ASRGL1: variants seen among roughly 807,000 people sequenced by gnomAD.
ASRGL1 encodes isoaspartyl peptidase/L-asparaginase.
In ASRGL1, 16 loss-of-function variants were observed where a neutral mutation model predicts 22.4. The ratio of observed to expected loss-of-function variants is 0.71; its 90% confidence interval spans 0.48 to 1.08. The LOEUF is 1.08. ASRGL1 is among the 50% of genes least tolerant of loss of function. The probability of loss-of-function intolerance (pLI) is 0.00; values close to 1 mark genes in which losing one functional copy is unlikely to be tolerated. For missense variants in ASRGL1, 412 were observed against 410.1 expected (o/e 1.00, Z -0.04); for synonymous variants, 165 against 159.3 (o/e 1.04, Z -0.27).
At chr11:62,374,256 C>G (rs1274022100) in intron 4 of ASRGL1, among the ~76,000 whole-genome samples, 1 of 152,172 alleles carries the variant, frequency 6.6e-6, no homozygotes, top group Non-Finnish European at 1.5e-5. Flanking sequence ...GCACGGATGC[C>G]GTGACTGCCA....
At chr11:62,383,727 G>A (rs975491726) in intron 4 of ASRGL1, among the ~76,000 whole-genome samples, 1 of 150,578 alleles carries the variant, frequency 6.6e-6, no homozygotes, top group Non-Finnish European at 1.5e-5. Context: ...TTCATGACCA[G>A]CCTGGGCAAC....
downstream of ASRGL1, among the ~76,000 whole-genome samples, chr11:62,395,004 GCA>G (rs537791454): frequency 6.6e-6 from 1 of 152,306 alleles, no homozygotes; most frequent in South Asian, 2.1e-4. Flanking sequence ...CAAGAGGGCA[GCA>G]AACTATAAAC....
rs961267183 is a variant in ASRGL1 at position 62,337,787 on chromosome 11, C to G, written c.-88-103C>G. The G allele has an allele frequency of 9.4e-6, 5 of 531,758 alleles. No homozygotes were observed. In the Admixed American group the frequency reaches 1.9e-4, roughly 21 times the overall value. 32.9% of individuals were successfully genotyped at this position (531,758 alleles called of 1,614,324 possible). A position where few individuals can be genotyped will look rare whatever the true frequency, so the allele number is the denominator to read the frequency against. On this transcript the variant is annotated intron_variant, in intron 1 of 6. Transcript: ENST00000415229. Reference sequence around the variant, plus strand: ...GGCGGAGAGGAACGCGGGAGGGCGCCGGGCCCCTGGGCTTTTCGTACCAAG... The same window carrying G: ...GGCGGAGAGGAACGCGGGAGGGCGCGGGGCCCCTGGGCTTTTCGTACCAAG...
At chr11:62,372,209 A>G (rs1387007583) in intron 4 of ASRGL1, 4 of 1,200,662 alleles carry the variant, frequency 3.3e-6, no homozygotes, top group Admixed American at 3.4e-5. Context: ...CGAGGGTCTC[A>G]GCCACGAAGT....
chr11:62,343,730 CAAA>C (rs71053038), intron 2 of ASRGL1, among the ~76,000 whole-genome samples: 13 of 68,970 alleles, frequency 1.9e-4, no homozygotes, highest in African/African-American at 7.0e-4. Context: ...TCCAGCTCCA[CAAA>C]AAAAAAAAAA....
chr11:62,368,315 G>T (rs923858951), intron 4 of ASRGL1, among the ~76,000 whole-genome samples: 1 of 152,120 alleles, frequency 6.6e-6, no homozygotes, highest in Non-Finnish European at 1.5e-5. Flanking sequence ...GTCTTGGAGC[G>T]TATCCCCTTC....
chr11:62,342,927 C>A (rs962676706), intron 2 of ASRGL1, among the ~76,000 whole-genome samples: 1 of 152,078 alleles, frequency 6.6e-6, no homozygotes, highest in Non-Finnish European at 1.5e-5. Context: ...TTGGTTTAAC[C>A]ATGTAATAGC....
chr11:62,356,202 G>T (rs1946289730), intron 2 of ASRGL1, 123 bp from the exon 3 acceptor site: 3 of 1,188,110 alleles, frequency 2.5e-6, no homozygotes, highest in Non-Finnish European at 2.4e-6. Flanking sequence ...GGGCAGCCGG[G>T]CAGAGGCGCC....
At chr11:62,362,886 A>AT (rs1946513556) in intron 4 of ASRGL1, among the ~76,000 whole-genome samples, 1 of 72,760 alleles carries the variant, frequency 1.4e-5, no homozygotes, top group Non-Finnish European at 2.4e-5. Flanking sequence ...CCTTTAAAGG[A>AT]TTTAATTTTT....
intron 4 of ASRGL1, 63 bp from the exon 5 acceptor site, chr11:62,389,070 T>C (rs1947277678): frequency 7.1e-6 from 10 of 1,400,062 alleles, no homozygotes; most frequent in Non-Finnish European, 1.0e-5. Flanking sequence ...TAAGGTACAT[T>C]GTTGGTTATG....
At chr11:62,386,439 T>TTATCATAGATATGTACATAGCATACA (rs1947203837) in intron 4 of ASRGL1, among the ~76,000 whole-genome samples, 1 of 75,794 alleles carries the variant, frequency 1.3e-5, no homozygotes, top group Non-Finnish European at 3.9e-5. Context: ...CAATTAAACT[T>TTATCATAGATATGTACATAGCATACA]TATCATAGAT....
At chr11:62,397,539 CT>C (rs1440310589), downstream of ASRGL1, among the ~76,000 whole-genome samples, 1 of 151,800 alleles carries the variant, frequency 6.6e-6, no homozygotes, top group Non-Finnish European at 1.5e-5. Flanking sequence ...TGATGCATGC[CT>C]GTAATCGCAG....
Position 62,392,568 on chromosome 11 carries a change from CAAA to C in ASRGL1, c.*299_*301del, listed in dbSNP as rs5792257. The C allele has an allele frequency of 7.0e-4, 201 of 288,168 alleles. No homozygotes were observed. The highest frequency in any genetic ancestry group is 1.7e-3 in the East Asian group (22 of 13,308). The allele number at this position is 288,168 out of a possible 1,614,324, so 17.9% of individuals were successfully genotyped here. On this transcript the variant is annotated 3_prime_UTR_variant, in exon 7 of 7. Coordinates refer to ENST00000415229, the MANE Select transcript of ASRGL1 (RefSeq NM_001083926.2). ...TGGGCAACAGAGCCAGGCCCTGTAT[CAAA>C]AAAAAAAAAAAAAAGAAAAGGGAAA...
intron 4 of ASRGL1, among the ~76,000 whole-genome samples, chr11:62,384,389 C>T (rs1203032520): frequency 6.6e-6 from 1 of 151,952 alleles, no homozygotes; most frequent in Admixed American, 6.6e-5. Flanking sequence ...CCTGTAATCT[C>T]AGCTGTTTGG....
At chr11:62,369,052 G>A (rs1257059091) in intron 4 of ASRGL1, among the ~76,000 whole-genome samples, 1 of 152,088 alleles carries the variant, frequency 6.6e-6, no homozygotes, top group Non-Finnish European at 1.5e-5. Context: ...TCAGGCTGGG[G>A]GACGGTCAGG....
chr11:62,368,879 C>T (rs1946685150), intron 4 of ASRGL1, among the ~76,000 whole-genome samples: 2 of 152,186 alleles, frequency 1.3e-5, no homozygotes, highest in East Asian at 1.9e-4. Flanking sequence ...AGCCCTAAGG[C>T]TGTTTTCTCC....
intron 4 of ASRGL1, chr11:62,383,051 C>G (rs573630496): frequency 1.3e-5 from 2 of 152,300 alleles, no homozygotes; most frequent in African/African-American, 4.8e-5. Context: ...CTTCTTTCTA[C>G]ATAGACACAG....
At chr11:62,399,294 A>G in the ASRGL1 span, among the ~76,000 whole-genome samples, 1 of 152,212 alleles carries the variant, frequency 6.6e-6, no homozygotes, top group African/African-American at 2.4e-5. Context: ...GGCACCCTGC[A>G]GAACTGAGAA....
chr11:62,372,789 T>C, intron 4 of ASRGL1: 1 of 1,577,220 alleles, frequency 6.3e-7, no homozygotes, highest in East Asian at 2.2e-5. Flanking sequence ...TGGTTACACC[T>C]GCTCCTTTGC....
Sources: gnomAD v4.1 joint callset for allele counts (sites outside exome capture counted in the v4.1 genomes callset) on GRCh38, gnomAD v4.1.1 for gene constraint, MANE v1.5 for transcripts, NCBI Gene and HGNC (gene_info 2026-07-23, HGNC 2026-07-21) for gene names.